The following KIAA1328 variants were observed in gnomAD, a reference collection of about 807,000 sequenced individuals.
KIAA1328 encodes KIAA1328, also known as protein hinderin.
Under a neutral mutation model 68.1 loss-of-function variants are expected in KIAA1328, and 52 were observed. The observed-to-expected ratio is 0.76, with a 90% confidence interval of 0.61 to 0.96. The LOEUF is 0.96. KIAA1328 is among the 40% of genes least tolerant of loss of function. The pLI is 0.00. For missense variants in KIAA1328, 641 were observed against 677.6 expected (o/e 0.95, Z 0.60); for synonymous variants, 232 against 239.4 (o/e 0.97, Z 0.28).
chr18:37,073,201 A>G (rs1222976807), intron 7 of KIAA1328, among the ~76,000 whole-genome samples: 1 of 152,254 alleles, frequency 6.6e-6, no homozygotes. Context: ...GCACAGCAAA[A>G]GAAACTGTCA....
At chr18:37,019,012 C>T (rs560244806) in intron 6 of KIAA1328, among the ~76,000 whole-genome samples, 98 of 152,146 alleles carry the variant, frequency 6.4e-4, no homozygotes, top group Non-Finnish European at 1.1e-3. Context: ...TTTCATAGTG[C>T]CAGAATTCAT....
chr18:37,056,192 T>G (rs572426356), intron 6 of KIAA1328, among the ~76,000 whole-genome samples: 62 of 152,220 alleles, frequency 4.1e-4, no homozygotes, highest in Non-Finnish European at 7.5e-4. Context: ...ATGTGATTTT[T>G]GGTATGTGTT....
chr18:37,058,033 A>G (rs2055990819), intron 6 of KIAA1328, among the ~76,000 whole-genome samples: 1 of 152,208 alleles, frequency 6.6e-6, no homozygotes. Flanking sequence ...GTATGGATAT[A>G]TGTTGCAGGG....
intron 5 of KIAA1328, chr18:36,901,973 C>G (rs892249016): frequency 1.3e-5 from 2 of 151,754 alleles, no homozygotes; most frequent in African/African-American, 2.4e-5. Context: ...TATTTTTATT[C>G]CAGATTTTTC....
intron 7 of KIAA1328, among the ~76,000 whole-genome samples, chr18:37,150,665 T>A (rs1328695928): frequency 1.3e-5 from 2 of 151,944 alleles, no homozygotes; most frequent in African/African-American, 4.8e-5. Context: ...CTTGACTAAA[T>A]AGGCTTAACA....
chr18:36,856,037 C>T (rs1371485089), intron 4 of KIAA1328, among the ~76,000 whole-genome samples: 1 of 151,882 alleles, frequency 6.6e-6, no homozygotes, highest in Non-Finnish European at 1.5e-5. Context: ...CATGGTTTCT[C>T]ATTAGGAATT....
intron 9 of KIAA1328, among the ~76,000 whole-genome samples, chr18:37,221,318 A>G (rs1288723515): frequency 6.6e-6 from 1 of 152,220 alleles, no homozygotes; most frequent in Non-Finnish European, 1.5e-5. Context: ...GTATTCATTT[A>G]TATCAATGAA....
chr18:37,059,592 A>G (rs1257513941), intron 6 of KIAA1328, among the ~76,000 whole-genome samples: 3 of 152,200 alleles, frequency 2.0e-5, no homozygotes, highest in Non-Finnish European at 4.4e-5. Flanking sequence ...CTGCTGGTGG[A>G]AGTGTAAATT....
chr18:37,014,470 T>G (rs574083136), intron 6 of KIAA1328, among the ~76,000 whole-genome samples: 1 of 152,358 alleles, frequency 6.6e-6, no homozygotes, highest in South Asian at 2.1e-4. Context: ...TATTAGTTTG[T>G]TCTCGCATTG....
intron 5 of KIAA1328, among the ~76,000 whole-genome samples, chr18:36,939,354 A>G (rs975699343): frequency 1.3e-5 from 2 of 151,828 alleles, no homozygotes; most frequent in South Asian, 2.1e-4. Flanking sequence ...TTTTTATGCT[A>G]TTGTGAATAA....
In KIAA1328 at chr18:37,172,331, G is replaced by A. The variant is rs147041792; in HGVS notation, c.1415-642G>A. Among the ~76,000 whole-genome samples, 110 of 152,244 alleles carry A rather than the reference G, an allele frequency of 7.2e-4. 1 individual carries two copies. The East Asian group carries it at 0.012, about 17-fold the overall frequency. ...AAAATAAAATAAAAACAATATTTCT[G>A]TCCATACCATCTTTTTATTTAGCAC... On this transcript the variant is annotated intron_variant, in intron 8 of 9. Transcript: ENST00000280020.
chr18:36,856,841 G>C (rs1456333050), intron 4 of KIAA1328, among the ~76,000 whole-genome samples: 1 of 152,148 alleles, frequency 6.6e-6, no homozygotes, highest in Non-Finnish European at 1.5e-5. Flanking sequence ...GTTGTTGCTT[G>C]TTGAGGTCTG....
intron 7 of KIAA1328, among the ~76,000 whole-genome samples, chr18:37,080,902 C>T (rs1175095775): frequency 6.6e-6 from 1 of 151,722 alleles, no homozygotes; most frequent in African/African-American, 2.4e-5. Context: ...AAGTTCTTTC[C>T]AATCAAGACA....
chr18:37,086,998 ACT>A (rs2057124539), intron 7 of KIAA1328, among the ~76,000 whole-genome samples: 1 of 152,010 alleles, frequency 6.6e-6, no homozygotes, highest in Non-Finnish European at 1.5e-5. Context: ...TGAGATGTTG[ACT>A]CTGTTAGAAT....
At chr18:36,909,964 A>G (rs1445098222) in intron 5 of KIAA1328, among the ~76,000 whole-genome samples, 3 of 151,624 alleles carry the variant, frequency 2.0e-5, no homozygotes, top group Admixed American at 2.0e-4. Flanking sequence ...TCCTTCACCC[A>G]CTTTTTGATG....
At chr18:37,072,020 A>G (rs1293843692) in intron 7 of KIAA1328, among the ~76,000 whole-genome samples, 5 of 152,200 alleles carry the variant, frequency 3.3e-5, no homozygotes, top group Non-Finnish European at 5.9e-5. Flanking sequence ...GTTTTGCTTA[A>G]ATCATCAAAT....
chr18:37,092,763 G>A (rs1346545198), intron 7 of KIAA1328, among the ~76,000 whole-genome samples: 1 of 152,148 alleles, frequency 6.6e-6, no homozygotes, highest in African/African-American at 2.4e-5. Flanking sequence ...ACACTTAGGG[G>A]CCTGAGGATT....
At chr18:37,217,322 T>C (rs980936246) in intron 9 of KIAA1328, among the ~76,000 whole-genome samples, 4 of 152,212 alleles carry the variant, frequency 2.6e-5, no homozygotes, top group Admixed American at 2.0e-4. Flanking sequence ...TTCCTTTCCA[T>C]GTTTAGTGCT....
At chr18:37,025,697 C>A (rs1298386616) in intron 6 of KIAA1328, among the ~76,000 whole-genome samples, 4 of 152,080 alleles carry the variant, frequency 2.6e-5, no homozygotes, top group Admixed American at 6.6e-5. Flanking sequence ...CAAAACATAC[C>A]AGAATCTCTG....
Sources: gnomAD v4.1 joint callset for allele counts (sites outside exome capture counted in the v4.1 genomes callset) on GRCh38, gnomAD v4.1.1 for gene constraint, MANE v1.5 for transcripts, NCBI Gene and HGNC (gene_info 2026-07-23, HGNC 2026-07-21) for gene names.